The following TBC1D5 variants were observed in gnomAD, a reference collection of about 807,000 sequenced individuals.
The protein encoded by TBC1D5 is TBC1 domain family, member 5.
TBC1D5 carries 75 observed loss-of-function variants against 100.3 expected under a neutral mutation model. The ratio of observed to expected loss-of-function variants is 0.75; its 90% confidence interval spans 0.62 to 0.91. The LOEUF is 0.91. Ranked by LOEUF, TBC1D5 falls within the 40% of genes least tolerant of loss-of-function variation. TBC1D5 has a pLI of 0.00. For synonymous variants in TBC1D5, 323 were observed against 325.6 expected (o/e 0.99, Z 0.09); for missense variants, 910 against 942.4 (o/e 0.97, Z 0.45).
intron 13 of TBC1D5, among the ~76,000 whole-genome samples, chr3:17,360,292 T>A (rs921706695): frequency 2.0e-5 from 3 of 152,064 alleles, no homozygotes; most frequent in Non-Finnish European, 4.4e-5. Flanking sequence ...TGTATACTTA[T>A]GTTCAAAGAA....
At chr3:17,447,494 G>C (rs2094827485) in intron 3 of TBC1D5, among the ~76,000 whole-genome samples, 1 of 152,116 alleles carries the variant, frequency 6.6e-6, no homozygotes, top group Non-Finnish European at 1.5e-5. Flanking sequence ...GACATCACTA[G>C]GGAAAAAAAC....
chr3:17,441,546 C>T (rs572507398), intron 3 of TBC1D5, among the ~76,000 whole-genome samples: 27 of 152,056 alleles, frequency 1.8e-4, no homozygotes, highest in African/African-American at 5.8e-4. Context: ...GCCAAGGTGG[C>T]TGGAGGACTG....
chr3:17,381,274 T>C (rs548749907), intron 9 of TBC1D5, among the ~76,000 whole-genome samples: 3 of 152,144 alleles, frequency 2.0e-5, no homozygotes, highest in Non-Finnish European at 4.4e-5. Flanking sequence ...TCCTTGTCCA[T>C]AGAACTTGTT....
chr3:17,487,620 G>A (rs1228921248), intron 3 of TBC1D5, among the ~76,000 whole-genome samples: 1 of 152,162 alleles, frequency 6.6e-6, no homozygotes, highest in Admixed American at 6.5e-5. Flanking sequence ...GATGTAAGCA[G>A]AGAACCTAAC....
chr3:17,629,514 G>GT (rs557175883), intron 1 of TBC1D5, among the ~76,000 whole-genome samples: 122 of 152,288 alleles, frequency 8.0e-4, no homozygotes, highest in African/African-American at 2.9e-3. Flanking sequence ...TTCTTCACAT[G>GT]TAACAGTGTA....
intron 13 of TBC1D5, among the ~76,000 whole-genome samples, chr3:17,317,453 T>C (rs950646490): frequency 6.6e-6 from 1 of 152,158 alleles, no homozygotes; most frequent in African/African-American, 2.4e-5. Flanking sequence ...GTTGGAAATC[T>C]AGAAGTCCAG....
chr3:17,608,526 G>A (rs373442900), intron 2 of TBC1D5, among the ~76,000 whole-genome samples: 2 of 152,134 alleles, frequency 1.3e-5, no homozygotes, highest in African/African-American at 4.8e-5. Flanking sequence ...TAGTATGTCT[G>A]CTTTCCCTAA....
intron 1 of TBC1D5, among the ~76,000 whole-genome samples, chr3:17,721,678 T>TTA (rs1161827501): frequency 6.6e-6 from 1 of 150,464 alleles, no homozygotes. Context: ...TCTCAAAAAA[T>TTA]AGTAATAATA....
At chr3:17,522,613 C>T (rs73153102) in intron 2 of TBC1D5, among the ~76,000 whole-genome samples, 10,486 of 152,002 alleles carry the variant, frequency 0.069, 711 homozygotes, top group African/African-American at 0.18. Context: ...AGAAAGGGTA[C>T]ATGAAAAGAA....
At chr3:17,163,404 G>C (rs1225461331) in intron 21 of TBC1D5, among the ~76,000 whole-genome samples, 1 of 152,006 alleles carries the variant, frequency 6.6e-6, no homozygotes, top group Non-Finnish European at 1.5e-5. Flanking sequence ...AGGCAGAGTT[G>C]ACTTCTTTAT....
intron 1 of TBC1D5, among the ~76,000 whole-genome samples, chr3:17,716,101 G>T (rs188852872): frequency 6.6e-6 from 1 of 152,082 alleles, no homozygotes; most frequent in African/African-American, 2.4e-5. Flanking sequence ...GGGCTGAGAC[G>T]CTTGGCACCA....
intron 3 of TBC1D5, among the ~76,000 whole-genome samples, chr3:17,485,768 T>A (rs1232488544): frequency 6.6e-6 from 1 of 151,756 alleles, no homozygotes; most frequent in Non-Finnish European, 1.5e-5. Flanking sequence ...TGGTTCCAAG[T>A]CTTTGCTATT....
At chr3:17,672,785 C>T (rs2068094162) in intron 1 of TBC1D5, 2 of 152,122 alleles carry the variant, frequency 1.3e-5, no homozygotes, top group Non-Finnish European at 2.9e-5. Flanking sequence ...AGGATGCTGC[C>T]TAGTGCCAGA....
At chr3:17,460,051 T>C (rs188139060) in intron 3 of TBC1D5, among the ~76,000 whole-genome samples, 22 of 152,378 alleles carry the variant, frequency 1.4e-4, no homozygotes, top group Non-Finnish European at 2.6e-4. Flanking sequence ...CTTTGTATTC[T>C]AAAAGGTAAA....
At chr3:17,552,333 A>G (rs747744086) in intron 2 of TBC1D5, among the ~76,000 whole-genome samples, 3 of 152,176 alleles carry the variant, frequency 2.0e-5, no homozygotes, top group Non-Finnish European at 4.4e-5. Flanking sequence ...AGAATTTTGG[A>G]AAGATTTCAA....
At chr3:17,729,943 T>A (rs754837839) in intron 1 of TBC1D5, among the ~76,000 whole-genome samples, 23 of 151,378 alleles carry the variant, frequency 1.5e-4, no homozygotes, top group Non-Finnish European at 2.7e-4. Context: ...ACCCTATCTC[T>A]ACTAAAAATA....
chr3:17,682,525 A>G (rs1424860223), intron 1 of TBC1D5, among the ~76,000 whole-genome samples: 2 of 151,440 alleles, frequency 1.3e-5, no homozygotes, highest in African/African-American at 4.9e-5. Context: ...ATCATAAAGA[A>G]AACATTCTTA....
intron 8 of TBC1D5, among the ~76,000 whole-genome samples, chr3:17,395,976 A>C (rs533498694): frequency 2.0e-5 from 3 of 152,238 alleles, no homozygotes; most frequent in Admixed American, 6.5e-5. Context: ...TTAAGTGTCA[A>C]ATGAGGAAGG....
chr3:17,666,824 T>A (rs976997034), intron 1 of TBC1D5, among the ~76,000 whole-genome samples: 1 of 152,110 alleles, frequency 6.6e-6, no homozygotes, highest in Non-Finnish European at 1.5e-5. Flanking sequence ...CATTATAAGG[T>A]AGGATATTAA....
Sources: gnomAD v4.1 joint callset for allele counts (sites outside exome capture counted in the v4.1 genomes callset) on GRCh38, gnomAD v4.1.1 for gene constraint, MANE v1.5 for transcripts, NCBI Gene and HGNC (gene_info 2026-07-23, HGNC 2026-07-21) for gene names.